ZBTB38: variants seen among roughly 807,000 people sequenced by gnomAD.
ZBTB38 encodes the protein zinc finger and BTB domain-containing protein 38.
A neutral mutation model predicts 76.8 loss-of-function variants in ZBTB38; 20 were observed. The observed-to-expected ratio is 0.26, with a 90% CI of 0.18 to 0.38. The LOEUF (loss-of-function observed/expected upper bound fraction) is 0.38. ZBTB38 is among the 10% of genes least tolerant of loss of function. ZBTB38 has a pLI of 1.00. For synonymous variants in ZBTB38, 504 were observed against 544.2 expected (o/e 0.93, Z 1.03); for missense variants, 1,082 against 1,482.3 (o/e 0.73, Z 4.43).
At chr3:141,356,514 T>C (rs968290730) in intron 1 of ZBTB38, among the ~76,000 whole-genome samples, 1 of 152,108 alleles carries the variant, frequency 6.6e-6, no homozygotes, top group East Asian at 1.9e-4. Context: ...ACTGACACAA[T>C]TCTGTACTAC....
chr3:141,347,294 G>C (rs1386199330), intron 1 of ZBTB38, among the ~76,000 whole-genome samples: 1 of 152,100 alleles, frequency 6.6e-6, no homozygotes, highest in Non-Finnish European at 1.5e-5. Flanking sequence ...AAAATTAAAA[G>C]TATAATTTGT....
At chr3:141,349,861 A>C (rs1943469552) in intron 1 of ZBTB38, among the ~76,000 whole-genome samples, 1 of 152,224 alleles carries the variant, frequency 6.6e-6, no homozygotes, top group South Asian at 2.1e-4. Context: ...AAATTTGATG[A>C]GATATTGCAT....
At chr3:141,343,355 G>A (rs1376101130) in intron 1 of ZBTB38, among the ~76,000 whole-genome samples, 1 of 152,092 alleles carries the variant, frequency 6.6e-6, no homozygotes, top group Non-Finnish European at 1.5e-5. Context: ...AAGGGAGCAG[G>A]ACAGTAGTAT....
intron 5 of ZBTB38, among the ~76,000 whole-genome samples, chr3:141,420,331 A>C (rs1577270162): frequency 6.6e-6 from 1 of 152,220 alleles, no homozygotes; most frequent in East Asian, 1.9e-4. Flanking sequence ...GGAGTTTTGC[A>C]CTGGGTCACC....
At chr3:141,438,317 G>C (rs1321778912) in intron 5 of ZBTB38, 1 of 151,878 alleles carries the variant, frequency 6.6e-6, no homozygotes, top group Non-Finnish European at 1.5e-5. Flanking sequence ...CCGCCTCCCG[G>C]GTTCAAGCAG....
chr3:141,396,341 G>C (rs1482905380), intron 4 of ZBTB38: 1 of 153,874 alleles, frequency 6.5e-6, no homozygotes, highest in Admixed American at 6.5e-5. Context: ...CTCCTCATCT[G>C]ATCAAGTTTT....
intron 2 of ZBTB38, among the ~76,000 whole-genome samples, chr3:141,378,752 C>G (rs1320983076): frequency 6.6e-6 from 1 of 152,196 alleles, no homozygotes; most frequent in Non-Finnish European, 1.5e-5. Flanking sequence ...CAGAGACTGA[C>G]AGCCCATCTC....
chr3:141,369,089 T>C (rs1414950000), intron 1 of ZBTB38, among the ~76,000 whole-genome samples: 2 of 151,386 alleles, frequency 1.3e-5, no homozygotes, highest in African/African-American at 2.4e-5. Flanking sequence ...TTTTGCCTCC[T>C]CTTCCTCCCC....
chr3:141,399,556 G>A (rs1005770069), intron 4 of ZBTB38, among the ~76,000 whole-genome samples: 7 of 152,272 alleles, frequency 4.6e-5, no homozygotes, highest in Admixed American at 6.5e-5. Flanking sequence ...AGCCAAATTA[G>A]GGGAGGCCAA....
Position 141,434,137 on chromosome 3 carries a change from A to G in ZBTB38, c.1-8252A>G, listed in dbSNP as rs899576261. 52 of 951,508 alleles carry G rather than the reference A, an allele frequency of 5.5e-5. No individual in the cohort carries two copies. In the African/African-American group the frequency reaches 8.9e-4, roughly 16 times the overall value. The allele number at this position is 951,508 out of a possible 1,614,324, so 58.9% of individuals were successfully genotyped here. ...GGAAGATATAAATGTGAACAAATGC[A>G]TGATACCGTACATTGTAATGATGGG... On this transcript the variant is annotated intron_variant, in intron 5 of 5. Coordinates refer to ENST00000321464, the MANE Select transcript of ZBTB38 (RefSeq NM_001376113.1).
At chr3:141,437,179 G>T (rs2150762260) in intron 5 of ZBTB38, among the ~76,000 whole-genome samples, 1 of 152,166 alleles carries the variant, frequency 6.6e-6, no homozygotes, top group East Asian at 1.9e-4. Context: ...TCGCAGATTT[G>T]GACTCTTTGT....
chr3:141,406,660 A>G (rs1488821576), intron 5 of ZBTB38, among the ~76,000 whole-genome samples: 1 of 152,192 alleles, frequency 6.6e-6, no homozygotes, highest in African/African-American at 2.4e-5. Flanking sequence ...GAGAGAGAAT[A>G]TAGGGGAAAA....
At chr3:141,367,402 C>T (rs1434268594), upstream of ZBTB38, 3 of 152,446 alleles carry the variant, frequency 2.0e-5, no homozygotes, top group Admixed American at 6.5e-5. Context: ...GTAAGCCACC[C>T]ACTTGCCAAA....
At chr3:141,440,933 C>G (rs1280749610) in intron 5 of ZBTB38, among the ~76,000 whole-genome samples, 4 of 150,040 alleles carry the variant, frequency 2.7e-5, no homozygotes, top group Non-Finnish European at 4.4e-5. Flanking sequence ...ACTCGGGAGG[C>G]TGAGGCAGGA....
chr3:141,442,555 T>G lies in ZBTB38; in HGVS notation c.167T>G (p.Leu56Arg). Residue 56 changes from leucine to arginine, a missense_variant, in exon 6 of 6, where the codon CTG becomes CGG. Transcript: ENST00000321464. The surrounding 1 kb of genome is among the most constrained non-coding windows in gnomAD (Gnocchi z 6.4). ...AGCAATGTTCTGGCAGCTTCAAGCC[T>G]GTATTTTAAAAATATCTTTTGGAGC... ...AHSNVLAASS[L>R]YFKNIFWSHT... 1 of 1,614,260 alleles carries G rather than the reference T, an allele frequency of 6.2e-7. No homozygotes were observed. The highest frequency in any genetic ancestry group is 8.5e-7 in the Non-Finnish European group (1 of 1,180,050).
chr3:141,397,585 T>G (rs888755802), intron 4 of ZBTB38, among the ~76,000 whole-genome samples: 2 of 152,226 alleles, frequency 1.3e-5, no homozygotes, highest in Non-Finnish European at 2.9e-5. Flanking sequence ...CATTTCTAGC[T>G]TTTGATTTAA....
At chr3:141,400,541 C>T (rs1951597376) in intron 4 of ZBTB38, among the ~76,000 whole-genome samples, 2 of 152,124 alleles carry the variant, frequency 1.3e-5, no homozygotes, top group African/African-American at 4.8e-5. Flanking sequence ...TGTCACTCAC[C>T]ATGTGACCCT....
intron 5 of ZBTB38, among the ~76,000 whole-genome samples, chr3:141,425,574 A>G (rs2076233807): frequency 6.6e-6 from 1 of 152,250 alleles, no homozygotes; most frequent in South Asian, 2.1e-4. Flanking sequence ...GGACATGCCC[A>G]GCCAAGCAGA....
intron 1 of ZBTB38, among the ~76,000 whole-genome samples, chr3:141,355,933 G>T (rs1000804385): frequency 1.8e-4 from 27 of 152,150 alleles, no homozygotes; most frequent in Non-Finnish European, 2.5e-4. Context: ...GCCAGCCCAA[G>T]ACACAAAATT....
Sources: allele counts gnomAD v4.1 joint callset (sites outside exome capture counted in the v4.1 genomes callset), GRCh38; gene constraint gnomAD v4.1.1; non-coding constraint Gnocchi (gnomAD v3.1); transcripts MANE v1.5; gene names NCBI Gene and HGNC (gene_info 2026-07-23, HGNC 2026-07-21).